IL1RAPL1: variants seen among roughly 807,000 people sequenced by gnomAD.
The protein encoded by IL1RAPL1 is interleukin 1 receptor accessory protein like 1.
IL1RAPL1 carries 3 observed loss-of-function variants against 48.4 expected under a neutral mutation model. The observed-to-expected ratio is 0.06, with a 90% confidence interval of 0.03 to 0.16. The LOEUF (loss-of-function observed/expected upper bound fraction) is 0.16, where lower values mean the gene tolerates loss of function less well. Ranked by LOEUF, IL1RAPL1 falls within the 10% of genes least tolerant of loss-of-function variation. The pLI is 1.00. For missense variants in IL1RAPL1, 349 were observed against 530.6 expected (o/e 0.66, Z 3.36); for synonymous variants, 185 against 187.7 (o/e 0.99, Z 0.12).
At chrX:29,158,559 T>C (rs1349688550) in intron 2 of IL1RAPL1, among the ~76,000 whole-genome samples, 1 of 110,615 alleles carries the variant, frequency 9.0e-6, no homozygotes, top group Non-Finnish European at 1.9e-5. Context: ...ATATTTTTAG[T>C]AGAGATGAGA....
chrX:29,541,122 C>T (rs1288202359), intron 5 of IL1RAPL1, among the ~76,000 whole-genome samples: 2 of 111,851 alleles, frequency 1.8e-5, no homozygotes, highest in Non-Finnish European at 3.8e-5. Context: ...AGGCAAAAGA[C>T]GTGAACAGAC....
intron 5 of IL1RAPL1, among the ~76,000 whole-genome samples, chrX:29,422,935 A>G (rs970821013): frequency 8.9e-5 from 10 of 111,833 alleles, no homozygotes; most frequent in Non-Finnish European, 1.9e-4. Context: ...GGATGGTTGG[A>G]TATGCCTCAT....
At chrX:28,967,165 T>G (rs1367326871) in intron 2 of IL1RAPL1, among the ~76,000 whole-genome samples, 5 of 111,872 alleles carry the variant, frequency 4.5e-5, no homozygotes, top group African/African-American at 1.6e-4. Flanking sequence ...ACTCAAAATA[T>G]GTGAAGCTTC....
At chrX:29,685,311 T>C (rs1186895824) in intron 6 of IL1RAPL1, among the ~76,000 whole-genome samples, 1 of 110,799 alleles carries the variant, frequency 9.0e-6, no homozygotes, top group Non-Finnish European at 1.9e-5. Context: ...GAGAGCAGCC[T>C]GGCCAACATG....
intron 2 of IL1RAPL1, among the ~76,000 whole-genome samples, chrX:29,089,863 T>A (rs1928050644): frequency 1.0e-5 from 1 of 97,909 alleles, no homozygotes. Flanking sequence ...GATAGTGAAC[T>A]GTTATGTTAG....
chrX:29,129,246 T>G (rs1928965965), intron 2 of IL1RAPL1, among the ~76,000 whole-genome samples: 1 of 110,413 alleles, frequency 9.1e-6, no homozygotes, highest in Admixed American at 9.7e-5. Context: ...TTTCTCCATG[T>G]TGGTCAGGCT....
chrX:28,724,557 A>G (rs1373200426), intron 1 of IL1RAPL1, among the ~76,000 whole-genome samples: 1 of 111,331 alleles, frequency 9.0e-6, no homozygotes, highest in Admixed American at 9.6e-5. Context: ...CCAATTTGCC[A>G]GTCTGTGTCT....
rs189734442 is a variant in IL1RAPL1, at chrX:29,248,289, C to T, written c.83-34649C>T. ...AAAATTAGCTGAGTGTGGTGGCACA[C>T]GCCTGTAGTCCCAGCTACTTGGGAG... On this transcript the variant is annotated intron_variant, in intron 2 of 10. Transcript: ENST00000378993. Among the ~76,000 whole-genome samples, 1,005 of 110,916 alleles carry T rather than the reference C, an allele frequency of 9.1e-3. 12 individuals are homozygous for T. The highest frequency in any genetic ancestry group is 0.03 in the African/African-American group (917 of 30,449).
intron 1 of IL1RAPL1, among the ~76,000 whole-genome samples, chrX:28,735,009 G>T (rs909012584): frequency 5.4e-5 from 6 of 112,080 alleles, no homozygotes; most frequent in Non-Finnish European, 9.4e-5. Flanking sequence ...GTGGCATCCA[G>T]TGTTGCTCTC....
rs758729847 is a variant in IL1RAPL1, at chrX:29,226,819, A to T, written c.83-56119A>T. On this transcript the variant is annotated intron_variant, in intron 2 of 10. Coordinates refer to ENST00000378993, the MANE Select transcript of IL1RAPL1 (RefSeq NM_014271.4). ...CAAAAAATGCAATTTAATACTACAAATACTTATTACCTGATAAAGTTCTCA... is the reference window on the plus strand; with the variant it reads ...CAAAAAATGCAATTTAATACTACAATTACTTATTACCTGATAAAGTTCTCA... Among the ~76,000 whole-genome samples, 55 of 111,717 alleles carry T rather than the reference A, an allele frequency of 4.9e-4. No individual in the cohort carries two copies. The Admixed American group carries it at 5.3e-3, about 11-fold the overall frequency.
At chrX:28,739,830 C>T (rs1028968037) in intron 1 of IL1RAPL1, among the ~76,000 whole-genome samples, 5 of 111,028 alleles carry the variant, frequency 4.5e-5, no homozygotes, top group African/African-American at 1.6e-4. Context: ...ATGATATCCC[C>T]CTCCTTCCCT....
intron 2 of IL1RAPL1, among the ~76,000 whole-genome samples, chrX:29,031,754 A>AT (rs1371154786): frequency 9.0e-6 from 1 of 111,323 alleles, no homozygotes; most frequent in African/African-American, 3.3e-5. Context: ...TCATACAATC[A>AT]TACGGATCCT....
intron 6 of IL1RAPL1, among the ~76,000 whole-genome samples, chrX:29,781,256 T>A (rs1458943983): frequency 8.9e-6 from 1 of 112,151 alleles, no homozygotes; most frequent in African/African-American, 3.2e-5. Context: ...TAGTTTAATC[T>A]GTTTTCTTTG....
chrX:28,769,059 CAA>C, intron 1 of IL1RAPL1, among the ~76,000 whole-genome samples: 1 of 107,046 alleles, frequency 9.3e-6, no homozygotes, highest in East Asian at 2.9e-4. Context: ...TGAAATACCA[CAA>C]AGATGAATTA....
chrX:28,618,666 G>C (rs1357546718), intron 1 of IL1RAPL1, among the ~76,000 whole-genome samples: 1 of 111,637 alleles, frequency 9.0e-6, no homozygotes, highest in African/African-American at 3.3e-5. Flanking sequence ...AAAATTACTA[G>C]GGAAATGTAA....
At chrX:29,334,248 G>A (rs1430339890) in intron 3 of IL1RAPL1, among the ~76,000 whole-genome samples, 2 of 64,577 alleles carry the variant, frequency 3.1e-5, no homozygotes, top group Non-Finnish European at 5.9e-5. Context: ...GGGCAGAGGG[G>A]CTCCTCACTT....
chrX:29,592,810 C>T (rs1923420591), intron 5 of IL1RAPL1, among the ~76,000 whole-genome samples: 1 of 111,866 alleles, frequency 8.9e-6, no homozygotes, highest in Non-Finnish European at 1.9e-5. Flanking sequence ...CCTCACAGGC[C>T]TTGATTTCCT....
chrX:29,217,775 T>TCA (rs757477605), intron 2 of IL1RAPL1, among the ~76,000 whole-genome samples: 288 of 68,390 alleles, frequency 4.2e-3, no homozygotes, highest in Non-Finnish European at 4.9e-3. Context: ...TCTCTCTCTC[T>TCA]CTCACACACA....
At chrX:29,811,826 C>A (rs1349195945) in intron 6 of IL1RAPL1, among the ~76,000 whole-genome samples, 4 of 111,819 alleles carry the variant, frequency 3.6e-5, no homozygotes, top group African/African-American at 1.3e-4. Context: ...ACATAGATAA[C>A]CAAAATCTTT....
Sources: gnomAD v4.1 joint callset for allele counts (sites outside exome capture counted in the v4.1 genomes callset) on GRCh38, gnomAD v4.1.1 for gene constraint, MANE v1.5 for transcripts, NCBI Gene and HGNC (gene_info 2026-07-23, HGNC 2026-07-21) for gene names.